The following ABCC11 variants were observed in gnomAD, a reference collection of about 807,000 sequenced individuals.
ABCC11 encodes ATP-binding cassette sub-family C member 11.
Under a neutral mutation model 149.3 loss-of-function variants are expected in ABCC11, and 135 were observed. That is an observed-to-expected ratio of 0.90 (90% CI 0.79 to 1.04). The LOEUF is 1.04. ABCC11 is among the 50% of genes least tolerant of loss of function. The pLI is 0.00. For missense variants in ABCC11, 1,680 were observed against 1,722.1 expected (o/e 0.98, Z 0.43); for synonymous variants, 665 against 671.4 (o/e 0.99, Z 0.15).
At chr16:48,193,317 A>G (rs1967090414) in intron 19 of ABCC11, among the ~76,000 whole-genome samples, 1 of 152,108 alleles carries the variant, frequency 6.6e-6, no homozygotes, top group African/African-American at 2.4e-5. Flanking sequence ...CCAGAAATTA[A>G]CCATATGGAG....
At chr16:48,244,068 A>C (rs2150948473) in intron 1 of ABCC11, 1 of 249,178 alleles carries the variant, frequency 4.0e-6, no homozygotes, top group East Asian at 7.4e-5. Context: ...TATGTAAAAA[A>C]TCGAAGAAAA....
At chr16:48,170,809 A>T in intron 27 of ABCC11, 80 bp downstream of exon 27, 1 of 1,309,286 alleles carries the variant, frequency 7.6e-7, no homozygotes, top group Non-Finnish European at 1.1e-6. Flanking sequence ...CTGGAACACC[A>T]CATGAGAGGA....
At chr16:48,173,300 G>A (rs1198667216) in intron 26 of ABCC11, among the ~76,000 whole-genome samples, 1 of 152,062 alleles carries the variant, frequency 6.6e-6, no homozygotes, top group Non-Finnish European at 1.5e-5. Context: ...CAAATTATGG[G>A]TTTAGAACAC....
At chr16:48,178,420 G>A (rs1355374056) in intron 24 of ABCC11, among the ~76,000 whole-genome samples, 177 bp downstream of exon 24, 2 of 152,192 alleles carry the variant, frequency 1.3e-5, no homozygotes, top group Non-Finnish European at 2.9e-5. Flanking sequence ...GACAGGTATG[G>A]AAGAGCTTCA....
chr16:48,181,897 G>C (rs1410311361), intron 23 of ABCC11, among the ~76,000 whole-genome samples: 2 of 152,242 alleles, frequency 1.3e-5, no homozygotes, highest in Non-Finnish European at 2.9e-5. Context: ...ACAGGCGTGA[G>C]CCAACGTGCC....
chr16:48,235,455 C>G (rs1471811644), intron 1 of ABCC11, among the ~76,000 whole-genome samples: 1 of 152,144 alleles, frequency 6.6e-6, no homozygotes, highest in African/African-American at 2.4e-5. Flanking sequence ...GAAAATGAAA[C>G]CCAACGAAAA....
intron 18 of ABCC11, among the ~76,000 whole-genome samples, chr16:48,195,815 CAGCTG>C (rs1475970093): frequency 2.6e-5 from 4 of 152,134 alleles, no homozygotes; most frequent in African/African-American, 9.7e-5. Context: ...ATGATAAACT[CAGCTG>C]ATTGTAAAAC....
rs141917762 is a variant in ABCC11 at position 48,190,824 on chromosome 16, G to A, written c.2706+1696C>T. ...CCATGCTCAGCCAGTGGAGGCCAGC[G>A]TCACTGTGGCCCTCCATCAGGGGAC... On this transcript the variant is annotated intron_variant, in intron 20 of 29. Transcript: ENST00000356608. Among the ~76,000 whole-genome samples, 1,089 of 152,290 alleles carry A rather than the reference G, an allele frequency of 7.2e-3. 13 individuals carry two copies. Among genetic ancestry groups the A allele is most frequent in the African/African-American group, 0.025 (1,049 of 41,546 alleles).
At chr16:48,221,760 G>C (rs34667131) in intron 6 of ABCC11, among the ~76,000 whole-genome samples, 1 of 152,076 alleles carries the variant, frequency 6.6e-6, no homozygotes, top group Non-Finnish European at 1.5e-5. Flanking sequence ...GTGTGTGTTT[G>C]AGACAGGGTC....
chr16:48,194,089 G>T, intron 18 of ABCC11, 107 bp from the exon 19 acceptor site: 1 of 768,710 alleles, frequency 1.3e-6, no homozygotes, highest in Non-Finnish European at 2.2e-6. Context: ...AAACCCTTGA[G>T]CCCCACCCAA....
intron 4 of ABCC11, among the ~76,000 whole-genome samples, chr16:48,225,760 A>G (rs1970031678): frequency 6.6e-6 from 1 of 152,190 alleles, no homozygotes; most frequent in Non-Finnish European, 1.5e-5. Context: ...TCCAACACTG[A>G]TGACCATTGC....
intron 5 of ABCC11, 78 bp downstream of exon 5, chr16:48,224,204 A>G (rs1969925977): frequency 2.0e-6 from 3 of 1,501,886 alleles, no homozygotes; most frequent in Non-Finnish European, 2.7e-6. Context: ...CCTGGCATGG[A>G]CTTGAACATG....
At chr16:48,239,338 G>A (rs960275763) in intron 1 of ABCC11, among the ~76,000 whole-genome samples, 5 of 152,060 alleles carry the variant, frequency 3.3e-5, no homozygotes, top group Non-Finnish European at 5.9e-5. Flanking sequence ...TGAGGCGGGC[G>A]GATCACGAGG....
At position 48,175,249 on chromosome 16, in the gene ABCC11, G is replaced by A. The variant is rs183940470; in HGVS notation, c.3698+9C>T. 3.9e-5 allele frequency: 63 copies of A among 1,598,460 alleles called. No individual in the cohort carries two copies. Among genetic ancestry groups the A allele is most frequent in the African/African-American group, 3.6e-4 (27 of 74,762 alleles). On this transcript the variant is annotated intron_variant, in intron 26 of 29. Transcript: ENST00000356608. ...CCTCCTGCAGGCTGCCTGCTGGCCC[G>A]GCACTCACCTGATGGTTCCTGAGAG...
At chr16:48,194,329 G>A (rs1596722436) in intron 18 of ABCC11, among the ~76,000 whole-genome samples, 3 of 152,218 alleles carry the variant, frequency 2.0e-5, no homozygotes, top group African/African-American at 7.2e-5. Context: ...GCCTGGCACA[G>A]GGCAGTGTTC....
Position 48,170,128 on chromosome 16 carries a change from TG to T in ABCC11, c.3867del (p.Arg1290GlyfsTer26). ...SVGERQLLCI[A>X]RAVLRNSKII... ...ACCTTGGAGTTGCGAAGCACAGCCC[TG>T]GCAATGCAGAGCAGCTGCCTCTCCC... On this transcript the variant is annotated frameshift_variant, in exon 28 of 30. Coordinates refer to ENST00000356608, the MANE Select transcript of ABCC11 (RefSeq NM_001370497.1). LOFTEE classifies it high-confidence loss of function. 1 of 1,614,084 alleles carries T rather than the reference TG, an allele frequency of 6.2e-7. No homozygotes were observed. The highest frequency in any genetic ancestry group is 8.5e-7 in the Non-Finnish European group (1 of 1,179,946).
chr16:48,186,896 C>T (rs935756776), intron 22 of ABCC11, 57 bp downstream of exon 22: 1 of 1,598,984 alleles, frequency 6.3e-7, no homozygotes, highest in Non-Finnish European at 8.5e-7. Flanking sequence ...CATTCTTTCC[C>T]TGCTCCCCAC....
intron 4 of ABCC11, among the ~76,000 whole-genome samples, chr16:48,225,136 C>T (rs918938987): frequency 6.6e-6 from 1 of 151,988 alleles, no homozygotes; most frequent in Non-Finnish European, 1.5e-5. Flanking sequence ...GGCTTGAACC[C>T]GGGAGGTGAG....
rs572298449 is a variant in ABCC11 at position 48,229,534 on chromosome 16, G to A, written c.236+903C>T. Among the ~76,000 whole-genome samples the A allele has an allele frequency of 1.9e-4, 26 of 138,436 alleles. No individual in the cohort carries two copies. The East Asian group carries it at 4.6e-3, about 25-fold the overall frequency. 90.8% of individuals were successfully genotyped at this position (138,436 alleles called of 152,430 possible). ...CTGCGGACTGCAGTGGCGCAATCTC[G>A]GCTCACTGCAAGCTCCGCTTCCCGG... On this transcript the variant is annotated intron_variant, in intron 3 of 29. Transcript: ENST00000356608.
Sources: gnomAD v4.1 joint callset for allele counts (sites outside exome capture counted in the v4.1 genomes callset) on GRCh38, gnomAD v4.1.1 for gene constraint, MANE v1.5 for transcripts, NCBI Gene and HGNC (gene_info 2026-07-23, HGNC 2026-07-21) for gene names.